Variants in NXPE1 observed in about 807,000 individuals in gnomAD.
NXPE1 encodes NXPE family member 1.
In NXPE1, 31 loss-of-function variants were observed where a neutral mutation model predicts 33.3. The ratio of observed to expected loss-of-function variants is 0.93; its 90% CI spans 0.70 to 1.26. The LOEUF is 1.26. Ranked by LOEUF, NXPE1 falls within the 50% of genes most tolerant of loss-of-function variation. The pLI is 0.00. For synonymous variants in NXPE1, 229 were observed against 231.4 expected, an observed-to-expected ratio of 0.99 and a Z score of 0.09; for missense variants, 661 against 655.6, an observed-to-expected ratio of 1.01 and a Z score of -0.09.
intron 5 of NXPE1, among the ~76,000 whole-genome samples, chr11:114,542,273 T>G (rs971211690): frequency 2.6e-5 from 4 of 152,144 alleles, no homozygotes; most frequent in Non-Finnish European, 5.9e-5. Flanking sequence ...AGCCAGAAAT[T>G]TTATAAGAAG....
intron 8 of NXPE1, 102 bp from the exon 9 acceptor site, chr11:114,522,605 G>A: frequency 1.0e-6 from 1 of 953,570 alleles, no homozygotes; most frequent in Non-Finnish European, 1.5e-6. Flanking sequence ...CTAGATAATT[G>A]CTCACTGGAG....
exon 4 of NXPE1, chr11:114,551,388 G>C: frequency 7.3e-7 from 1 of 1,362,534 alleles, no homozygotes. Flanking sequence ...TCTACCTATT[G>C]GATACTTCTT....
At chr11:114,555,326 T>A (rs1484762271) in intron 1 of NXPE1, among the ~76,000 whole-genome samples, 1 of 152,010 alleles carries the variant, frequency 6.6e-6, no homozygotes, top group East Asian at 1.9e-4. Context: ...CGGGTTCAAG[T>A]GATTCCCCTG....
chr11:114,553,881 C>T, intron 1 of NXPE1: 1 of 971,340 alleles, frequency 1.0e-6, no homozygotes. Flanking sequence ...ATGATGGGTA[C>T]ATTTAGATCG....
chr11:114,536,546 AAG>A (rs1460812460), intron 5 of NXPE1, among the ~76,000 whole-genome samples: 1 of 152,170 alleles, frequency 6.6e-6, no homozygotes, highest in Non-Finnish European at 1.5e-5. Flanking sequence ...AAGACTAATA[AAG>A]AAGAAAAGAG....
At chr11:114,550,977 G>A in intron 5 of NXPE1, 126 bp downstream of exon 5, 1 of 602,824 alleles carries the variant, frequency 1.7e-6, no homozygotes, top group Admixed American at 2.8e-5. Flanking sequence ...GGTAGAGAGA[G>A]AGAAGATAGG....
intron 7 of NXPE1, among the ~76,000 whole-genome samples, chr11:114,526,911 A>G (rs1033902139): frequency 6.6e-6 from 1 of 152,184 alleles, no homozygotes; most frequent in African/African-American, 2.4e-5. Context: ...AACACTACCC[A>G]TGATCTTTAT....
At chr11:114,555,844 G>A (rs185899651) in intron 1 of NXPE1, among the ~76,000 whole-genome samples, 2 of 152,302 alleles carry the variant, frequency 1.3e-5, no homozygotes, top group Admixed American at 1.3e-4. Flanking sequence ...CATCAAGGTT[G>A]CATTTATCAG....
chr11:114,523,050 G>T (rs1381329546), exon 8 of NXPE1: 1 of 1,613,530 alleles, frequency 6.2e-7, no homozygotes, highest in African/African-American at 1.3e-5. Flanking sequence ...GGGACAGGAG[G>T]CTTCATTCCA....
chr11:114,554,110 C>T, intron 1 of NXPE1: 1 of 985,436 alleles, frequency 1.0e-6, no homozygotes, highest in Non-Finnish European at 1.2e-6. Context: ...GTCTCCTCTC[C>T]TTATGCTTCT....
At chr11:114,530,812 G>A (rs755316373) in exon 6 of NXPE1, 2 of 1,614,212 alleles carry the variant, frequency 1.2e-6, no homozygotes, top group Non-Finnish European at 1.7e-6. Flanking sequence ...GTCTCTGTTA[G>A]TGGCTTTAAT....
chr11:114,552,649 T>C (rs1948534939), intron 2 of NXPE1, among the ~76,000 whole-genome samples: 1 of 152,148 alleles, frequency 6.6e-6, no homozygotes, highest in Non-Finnish European at 1.5e-5. Context: ...CCAGGTTTTC[T>C]GACTTTTAAG....
At chr11:114,535,545 A>T (rs507976) in intron 5 of NXPE1, among the ~76,000 whole-genome samples, 3 of 151,940 alleles carry the variant, frequency 2.0e-5, no homozygotes, top group East Asian at 3.9e-4. Context: ...CCCATCTCAC[A>T]TGCAGAGACA....
At chr11:114,530,456 G>C in exon 6 of NXPE1, 1 of 1,614,232 alleles carries the variant, frequency 6.2e-7, no homozygotes, top group Non-Finnish European at 8.5e-7. Context: ...CTTCACTGGG[G>C]TGGATGAGCA....
intron 7 of NXPE1, among the ~76,000 whole-genome samples, chr11:114,523,390 C>T (rs908805469): frequency 3.9e-5 from 6 of 152,062 alleles, no homozygotes; most frequent in African/African-American, 1.4e-4. Context: ...TTTCCTGACT[C>T]TGTGGTGACT....
chr11:114,544,899 CA>C (rs1274327394), intron 5 of NXPE1, among the ~76,000 whole-genome samples: 1 of 151,968 alleles, frequency 6.6e-6, no homozygotes, highest in Non-Finnish European at 1.5e-5. Flanking sequence ...TTAAAATGTG[CA>C]AAAGATCTGA....
exon 6 of NXPE1, chr11:114,530,836 T>C (rs1242807277): frequency 1.2e-5 from 19 of 1,614,010 alleles, no homozygotes; most frequent in Non-Finnish European, 1.5e-5. Context: ...ATCAGTGATG[T>C]TTTAGGGAAT....
intron 1 of NXPE1, among the ~76,000 whole-genome samples, chr11:114,556,604 G>A (rs1379055838): frequency 3.9e-5 from 6 of 151,902 alleles, no homozygotes; most frequent in African/African-American, 9.7e-5. Context: ...TGGCTCCCAC[G>A]CAGCATGATT....
intron 5 of NXPE1, among the ~76,000 whole-genome samples, chr11:114,541,607 T>G (rs1236738009): frequency 6.6e-6 from 1 of 152,152 alleles, no homozygotes; most frequent in Non-Finnish European, 1.5e-5. Context: ...GCATGAAACA[T>G]CAATCAAATA....
Sources: allele counts gnomAD v4.1 joint callset (sites outside exome capture counted in the v4.1 genomes callset), GRCh38; gene constraint gnomAD v4.1.1; transcripts MANE v1.5; gene names NCBI Gene and HGNC (gene_info 2026-07-23, HGNC 2026-07-21).